The following LRRC4C variants were observed in gnomAD, a reference collection of about 807,000 sequenced individuals.
LRRC4C encodes leucine rich repeat containing 4C, also known as leucine-rich repeat-containing protein 4C.
LRRC4C carries 5 observed loss-of-function variants against 33.6 expected under a neutral mutation model. The observed-to-expected ratio is 0.15, with a 90% CI of 0.08 to 0.31. The LOEUF (loss-of-function observed/expected upper bound fraction) is 0.31, where lower values mean the gene tolerates loss of function less well. Ranked by LOEUF, LRRC4C falls within the 10% of genes least tolerant of loss-of-function variation. The pLI is 1.00. For missense variants in LRRC4C, 560 were observed against 796.7 expected (o/e 0.70, Z 3.58); for synonymous variants, 329 against 302.0 (o/e 1.09, Z -0.93).
chr11:40,792,086 C>A (rs1009158007), intron 2 of LRRC4C, among the ~76,000 whole-genome samples: 31 of 151,968 alleles, frequency 2.0e-4, no homozygotes, highest in African/African-American at 6.8e-4. Context: ...CATCAAGAAC[C>A]AGCAAATCAA....
intron 2 of LRRC4C, among the ~76,000 whole-genome samples, chr11:40,775,799 C>A (rs1949968319): frequency 6.6e-6 from 1 of 152,196 alleles, no homozygotes; most frequent in South Asian, 2.1e-4. Context: ...CTTGCTTGGA[C>A]TTCCAGCACC....
At chr11:40,527,427 GA>G (rs1956098169) in intron 3 of LRRC4C, among the ~76,000 whole-genome samples, 1 of 152,150 alleles carries the variant, frequency 6.6e-6, no homozygotes, top group African/African-American at 2.4e-5. Context: ...TTGTTGATAT[GA>G]TCAGATGGCA....
At chr11:40,597,085 GA>G (rs201832554) in intron 3 of LRRC4C, among the ~76,000 whole-genome samples, 3,064 of 152,156 alleles carry the variant, frequency 0.02, 47 homozygotes, top group South Asian at 0.037. Flanking sequence ...TATATTCACA[GA>G]AAAATCATCA....
intron 5 of LRRC4C, among the ~76,000 whole-genome samples, chr11:40,226,310 G>A (rs182603483): frequency 6.6e-6 from 1 of 152,234 alleles, no homozygotes; most frequent in East Asian, 1.9e-4. Context: ...TCTTTCCTCT[G>A]GTTTGCTATA....
intron 5 of LRRC4C, among the ~76,000 whole-genome samples, chr11:40,205,672 C>T (rs1863093995): frequency 1.3e-5 from 2 of 152,102 alleles, no homozygotes; most frequent in Non-Finnish European, 2.9e-5. Flanking sequence ...AATGTTTTCC[C>T]ACGTTCTCAC....
chr11:40,317,416 C>T (rs1039888588), intron 4 of LRRC4C, among the ~76,000 whole-genome samples: 16 of 152,132 alleles, frequency 1.1e-4, no homozygotes, highest in Admixed American at 5.9e-4. Flanking sequence ...AACTTAGTAT[C>T]CAGACTGAAA....
rs1205760168 is a variant in LRRC4C at position 40,427,847 on chromosome 11, C to G, written c.-269-108126G>C. The stretch of plus-strand genomic sequence containing the variant: ...TGTCTTAAAAAAACAAAAGACCAAA[C>G]CCAAAAAACAAAACAAAACAAAACA... On this transcript the variant is annotated intron_variant, in intron 3 of 6. Coordinates refer to ENST00000528697, the MANE Select transcript of LRRC4C (RefSeq NM_001258419.2). Among the ~76,000 whole-genome samples, 4 of 151,886 alleles carry G rather than the reference C, an allele frequency of 2.6e-5. No individual in the cohort carries two copies. In the East Asian group the frequency reaches 5.8e-4, roughly 22 times the overall value.
At chr11:40,910,181 A>G (rs1201371534) in intron 2 of LRRC4C, among the ~76,000 whole-genome samples, 6 of 152,330 alleles carry the variant, frequency 3.9e-5, no homozygotes, top group African/African-American at 1.4e-4. Context: ...ATCATCAATC[A>G]ATAAAAAACG....
At chr11:40,530,904 G>A (rs1017343486) in intron 3 of LRRC4C, among the ~76,000 whole-genome samples, 3 of 152,042 alleles carry the variant, frequency 2.0e-5, no homozygotes, top group Non-Finnish European at 4.4e-5. Context: ...TTTAACTCCC[G>A]ATTCTACTGT....
chr11:41,240,097 T>C (rs1331082985), intron 1 of LRRC4C, among the ~76,000 whole-genome samples: 2 of 152,192 alleles, frequency 1.3e-5, no homozygotes, highest in African/African-American at 4.8e-5. Context: ...GACTATGAAC[T>C]AACAAACTCC....
At chr11:41,189,074 A>C (rs1446469804) in intron 1 of LRRC4C, among the ~76,000 whole-genome samples, 1 of 152,082 alleles carries the variant, frequency 6.6e-6, no homozygotes, top group Non-Finnish European at 1.5e-5. Flanking sequence ...CTGTTTTCTC[A>C]CTCATTTATT....
At chr11:41,017,417 C>T (rs7125435) in intron 1 of LRRC4C, among the ~76,000 whole-genome samples, 84,377 of 151,948 alleles carry the variant, frequency 0.56, 23,855 homozygotes, top group South Asian at 0.64. Context: ...TACAAAATTG[C>T]AATGCTGAGA....
At chr11:40,728,366 G>A (rs1396895211) in intron 2 of LRRC4C, among the ~76,000 whole-genome samples, 1 of 151,962 alleles carries the variant, frequency 6.6e-6, no homozygotes, top group Non-Finnish European at 1.5e-5. Flanking sequence ...AGCAATTTGG[G>A]AGGCCGAGGC....
At chr11:41,068,492 G>A (rs1028243385) in intron 1 of LRRC4C, among the ~76,000 whole-genome samples, 1 of 151,820 alleles carries the variant, frequency 6.6e-6, no homozygotes, top group African/African-American at 2.4e-5. Flanking sequence ...TAATAAAGAA[G>A]AGAAAAGAAT....
intron 2 of LRRC4C, among the ~76,000 whole-genome samples, chr11:40,722,303 A>G (rs1947057789): frequency 6.6e-6 from 1 of 152,180 alleles, no homozygotes; most frequent in African/African-American, 2.4e-5. Context: ...TCCTCCCTAG[A>G]GAGAGCACGG....
At chr11:40,918,192 T>C (rs1192105422) in intron 2 of LRRC4C, among the ~76,000 whole-genome samples, 1 of 152,078 alleles carries the variant, frequency 6.6e-6, no homozygotes, top group South Asian at 2.1e-4. Flanking sequence ...CTTTTAGTTA[T>C]CTAAAGCAAA....
chr11:41,424,450 G>A (rs1954971080), intron 1 of LRRC4C, among the ~76,000 whole-genome samples: 1 of 152,016 alleles, frequency 6.6e-6, no homozygotes, highest in Admixed American at 6.6e-5. Context: ...GTAATACAGG[G>A]CATTAAGGAA....
At chr11:41,280,470 T>C (rs1417421353) in intron 1 of LRRC4C, among the ~76,000 whole-genome samples, 1 of 152,236 alleles carries the variant, frequency 6.6e-6, no homozygotes, top group Non-Finnish European at 1.5e-5. Context: ...CTGGCATTAA[T>C]AATATAGTCA....
intron 3 of LRRC4C, among the ~76,000 whole-genome samples, chr11:40,527,412 C>T (rs1327573743): frequency 6.6e-6 from 1 of 151,998 alleles, no homozygotes; most frequent in African/African-American, 2.4e-5. Flanking sequence ...TGGTTTTAAT[C>T]AATATTGTTG....
Sources: allele counts gnomAD v4.1 joint callset (sites outside exome capture counted in the v4.1 genomes callset), GRCh38; gene constraint gnomAD v4.1.1; transcripts MANE v1.5; gene names NCBI Gene and HGNC (gene_info 2026-07-23, HGNC 2026-07-21).